The following CDH19 variants were observed in gnomAD, a reference collection of about 807,000 sequenced individuals.
CDH19 encodes cadherin 19.
Under a neutral mutation model 64.2 loss-of-function variants are expected in CDH19, and 67 were observed. The ratio of observed to expected loss-of-function variants is 1.04; its 90% CI spans 0.86 to 1.28. The LOEUF (loss-of-function observed/expected upper bound fraction) is 1.28. CDH19 is among the 50% of genes most tolerant of loss of function. The pLI, the probability that CDH19 is intolerant of heterozygous loss-of-function variation, is 0.00. For missense variants in CDH19, 1,030 were observed against 929.0 expected, an observed-to-expected ratio of 1.11 and a Z score of -1.41; for synonymous variants, 346 against 319.3, an observed-to-expected ratio of 1.08 and a Z score of -0.89.
intron 5 of CDH19, among the ~76,000 whole-genome samples, chr18:66,548,445 G>A (rs1286196308): frequency 3.3e-5 from 5 of 151,378 alleles, no homozygotes; most frequent in South Asian, 2.1e-4. Flanking sequence ...GAAGAAAGAC[G>A]AGATCAAAGG....
At chr18:66,533,400 C>T (rs1236636440) in intron 8 of CDH19, among the ~76,000 whole-genome samples, 1 of 151,852 alleles carries the variant, frequency 6.6e-6, no homozygotes, top group East Asian at 1.9e-4. Context: ...AATTTAGGTT[C>T]GTATTTGTTA....
At chr18:66,515,338 G>T (rs1269404341) in intron 9 of CDH19, among the ~76,000 whole-genome samples, 1 of 151,624 alleles carries the variant, frequency 6.6e-6, no homozygotes, top group Non-Finnish European at 1.5e-5. Context: ...ATGAGTAAAT[G>T]ATTTTAAATT....
chr18:66,545,409 CTTCCTTCT>C (rs954057690), intron 5 of CDH19, among the ~76,000 whole-genome samples: 26 of 123,306 alleles, frequency 2.1e-4, no homozygotes, highest in South Asian at 4.4e-4. Context: ...TCCTTCCTTC[CTTCCTTCT>C]TTCCTTCCTT....
At chr18:66,520,223 G>A (rs973445072) in intron 9 of CDH19, among the ~76,000 whole-genome samples, 3 of 151,696 alleles carry the variant, frequency 2.0e-5, no homozygotes, top group East Asian at 1.9e-4. Flanking sequence ...AGTGAGAAAC[G>A]TGATAGACAG....
chr18:66,520,312 G>A (rs1985924124), intron 9 of CDH19, among the ~76,000 whole-genome samples: 2 of 143,912 alleles, frequency 1.4e-5, no homozygotes, highest in Middle Eastern at 3.7e-3. Context: ...CTGGGGCCAA[G>A]AATGATAACT....
intron 1 of CDH19, among the ~76,000 whole-genome samples, chr18:66,585,573 C>T (rs1045171525): frequency 1.4e-4 from 21 of 152,066 alleles, no homozygotes; most frequent in South Asian, 1.0e-3. Context: ...CTGTCCGGCA[C>T]GTATTAAGAG....
chr18:66,587,923 A>G (rs931642829), intron 1 of CDH19, among the ~76,000 whole-genome samples: 1 of 152,194 alleles, frequency 6.6e-6, no homozygotes, highest in African/African-American at 2.4e-5. Flanking sequence ...TCATAATTCA[A>G]TGGTACAGTA....
At chr18:66,524,283 T>C (rs1598979607) in intron 9 of CDH19, among the ~76,000 whole-genome samples, 1 of 152,026 alleles carries the variant, frequency 6.6e-6, no homozygotes. Flanking sequence ...CTTTGGAACT[T>C]TGAAGAAGCC....
chr18:66,508,334 A>T (rs929504553), intron 11 of CDH19, among the ~76,000 whole-genome samples: 2 of 151,872 alleles, frequency 1.3e-5, no homozygotes, highest in Non-Finnish European at 2.9e-5. Flanking sequence ...ACCACATGGT[A>T]ACTATAGTTA....
At chr18:66,522,591 T>G (rs1251283895) in intron 9 of CDH19, among the ~76,000 whole-genome samples, 3 of 152,076 alleles carry the variant, frequency 2.0e-5, no homozygotes, top group Admixed American at 2.0e-4. Flanking sequence ...TTTACACAGC[T>G]TTCAAACATT....
rs1988994955 is a variant in CDH19, at chr18:66,599,816, T to C, written c.-113+4138A>G. Among the ~76,000 whole-genome samples, 3 of 151,978 alleles carry C rather than the reference T, an allele frequency of 2.0e-5. No homozygotes were observed. The South Asian group carries it at 6.2e-4, about 31-fold the overall frequency. On this transcript the variant is annotated intron_variant, in intron 1 of 11. Transcript: ENST00000262150. ...ATTCCCAAAATGAGAAATTCAAGAA[T>C]ATCACCTTAATTATAAACAAAAATG... is the stretch of plus-strand genomic sequence containing the variant.
At chr18:66,599,823 T>C (rs367588264) in intron 1 of CDH19, among the ~76,000 whole-genome samples, 2 of 152,030 alleles carry the variant, frequency 1.3e-5, no homozygotes, top group African/African-American at 4.8e-5. Flanking sequence ...GAATATCACC[T>C]TAATTATAAA....
chr18:66,561,625 A>G (rs1416298790), intron 3 of CDH19, among the ~76,000 whole-genome samples: 1 of 152,150 alleles, frequency 6.6e-6, no homozygotes, highest in Non-Finnish European at 1.5e-5. Context: ...AAAGTTCAGC[A>G]TGCATACCTG....
At chr18:66,588,614 C>CTATATATATA (rs1321459056) in intron 1 of CDH19, among the ~76,000 whole-genome samples, 2 of 113,664 alleles carry the variant, frequency 1.8e-5, no homozygotes, top group African/African-American at 5.5e-5. Context: ...TCATATATAT[C>CTATATATATA]TATATCTATA....
intron 9 of CDH19, among the ~76,000 whole-genome samples, chr18:66,516,439 T>A (rs926909210): frequency 6.6e-6 from 1 of 152,094 alleles, no homozygotes; most frequent in South Asian, 2.1e-4. Flanking sequence ...CAGAAATTAC[T>A]GAGCAGTGTT....
At chr18:66,520,203 C>T (rs1462118329) in intron 9 of CDH19, among the ~76,000 whole-genome samples, 1 of 151,782 alleles carries the variant, frequency 6.6e-6, no homozygotes, top group Non-Finnish European at 1.5e-5. Context: ...AACAAACAAA[C>T]AAACAAAAAA....
chr18:66,544,352 T>C lies in CDH19; in HGVS notation c.961-128A>G, dbSNP rs1168764167. ...AGTTAGATTTTTCTTTTTATGTACA[T>C]GGATCTCTCTGATATAATTGTTAAT... is the stretch of plus-strand genomic sequence containing the variant. On this transcript the variant is annotated intron_variant, in intron 6 of 11. Coordinates refer to ENST00000262150, the MANE Select transcript of CDH19 (RefSeq NM_021153.4). 8.0e-6 allele frequency: 6 copies of C among 747,546 alleles called. No individual in the cohort carries two copies. The Admixed American group carries it at 1.6e-4, about 19-fold the overall frequency. 46.3% of individuals were successfully genotyped at this position (747,546 alleles called of 1,614,324 possible). A position where few individuals can be genotyped will look rare whatever the true frequency, so the allele number is the denominator to read the frequency against.
At chr18:66,506,958 C>T (rs1016344221) in intron 11 of CDH19, among the ~76,000 whole-genome samples, 5 of 151,846 alleles carry the variant, frequency 3.3e-5, no homozygotes, top group Admixed American at 6.6e-5. Flanking sequence ...CTAATAAATA[C>T]TTTTCTGATC....
chr18:66,559,016 G>T (rs1987622752), intron 3 of CDH19, among the ~76,000 whole-genome samples: 1 of 151,858 alleles, frequency 6.6e-6, no homozygotes, highest in Non-Finnish European at 1.5e-5. Context: ...ACTCCGAAGA[G>T]GTTTATGAGA....
Sources: allele counts gnomAD v4.1 joint callset (sites outside exome capture counted in the v4.1 genomes callset), GRCh38; gene constraint gnomAD v4.1.1; transcripts MANE v1.5; gene names NCBI Gene and HGNC (gene_info 2026-07-23, HGNC 2026-07-21).